The following NELL2 variants were observed in gnomAD, a reference collection of about 807,000 sequenced individuals.
The protein encoded by NELL2 is neural EGFL like 2.
NELL2 carries 41 observed loss-of-function variants against 109.6 expected under a neutral mutation model. That is an observed-to-expected ratio of 0.37 (90% CI 0.29 to 0.49). NELL2 has a LOEUF of 0.49. NELL2 is among the 20% of genes least tolerant of loss of function. NELL2 has a pLI of 0.98. For missense variants in NELL2, 900 were observed against 1,008.3 expected (o/e 0.89, Z 1.45); for synonymous variants, 355 against 344.7 (o/e 1.03, Z -0.33).
chr12:44,741,014 C>T (rs1025951067), intron 9 of NELL2, among the ~76,000 whole-genome samples: 1 of 152,074 alleles, frequency 6.6e-6, no homozygotes. Context: ...ACAGTTGATC[C>T]TTGAACAACA....
At chr12:44,863,740 A>G (rs2136813764) in intron 2 of NELL2, among the ~76,000 whole-genome samples, 1 of 152,300 alleles carries the variant, frequency 6.6e-6, no homozygotes, top group Non-Finnish European at 1.5e-5. Flanking sequence ...GGTAAAATGA[A>G]GTACAAAGTC....
At chr12:44,839,803 GC>G (rs142450329) in intron 2 of NELL2, among the ~76,000 whole-genome samples, 43,345 of 152,022 alleles carry the variant, frequency 0.29, 7,540 homozygotes, top group Non-Finnish European at 0.4. Context: ...ACTATTTTCT[GC>G]CATCTGGGAA....
At chr12:44,631,597 G>A (rs1946459134) in intron 13 of NELL2, among the ~76,000 whole-genome samples, 1 of 151,938 alleles carries the variant, frequency 6.6e-6, no homozygotes, top group South Asian at 2.1e-4. Flanking sequence ...CAATACATGG[G>A]TAACAGTATC....
At chr12:44,558,592 C>A (rs1943343992) in intron 15 of NELL2, among the ~76,000 whole-genome samples, 1 of 152,132 alleles carries the variant, frequency 6.6e-6, no homozygotes, top group Non-Finnish European at 1.5e-5. Flanking sequence ...TCCCTCCCCT[C>A]CCTAAGGGAA....
intron 13 of NELL2, among the ~76,000 whole-genome samples, chr12:44,655,453 G>A (rs990013382): frequency 3.7e-4 from 57 of 152,312 alleles, no homozygotes; most frequent in African/African-American, 1.4e-3. Context: ...TTTAAAAAAG[G>A]CAATTCAGCT....
chr12:44,875,320 A>G lies in NELL2; in HGVS notation c.89T>C (p.Ile30Thr), dbSNP rs369432264. 2.9e-5 allele frequency: 47 copies of G among 1,614,018 alleles called. No individual in the cohort carries two copies. Among genetic ancestry groups the G allele is most frequent in the Non-Finnish European group, 3.8e-5 (45 of 1,180,028 alleles). ...AAGTTCTAACTCTGTTAAGACGTCA[A>G]TCTGTAGGGAAGGGTCCACACCAAG... ...WGLGVDPSLQ[I>T]DVLTELELGE... is the part of the protein sequence containing the mutation. Residue 30 changes from isoleucine (I) to threonine (T), a missense_variant, in exon 2 of 20, where the codon ATT (isoleucine) becomes ACT (threonine). Around this residue, in one of 4 missense-constraint regions of NELL2, gnomAD observed 200 missense variants for 191.8 expected, o/e 1.04. Coordinates refer to ENST00000429094, the MANE Select transcript of NELL2 (RefSeq NM_001145108.2).
In NELL2 at chr12:44,610,859, G is replaced by A. The variant is rs140543922; in HGVS notation, c.1556C>T (p.Thr519Met). 7.6e-5 allele frequency: 123 copies of A among 1,612,944 alleles called. No homozygotes were observed. The Middle Eastern group carries it at 3.6e-3, about 48-fold the overall frequency. Residue 519 changes from threonine (T) to methionine (M), a missense_variant, in exon 14 of 20, where the codon ACG becomes ATG. Physicochemically the swap from Thr to Met is moderately conservative, Grantham distance 81 (BLOSUM62 -1). This residue lies in a region of NELL2 where 333 missense variants were observed against 432.3 expected (regional missense o/e 0.77). Coordinates refer to ENST00000429094, the MANE Select transcript of NELL2 (RefSeq NM_001145108.2). ...VCKPGYTGNGTTCKAFCKDGC... is the reference protein window; with the variant it reads ...VCKPGYTGNGMTCKAFCKDGC... The stretch of plus-strand genomic sequence containing the variant: ...TTTAAACCTTTTACCTTTGCATGTC[G>A]TTCCATTCCCTGTATAGCCCGGCTT...
chr12:44,739,010 T>C (rs761841489), intron 9 of NELL2, among the ~76,000 whole-genome samples: 1 of 152,202 alleles, frequency 6.6e-6, no homozygotes, highest in Non-Finnish European at 1.5e-5. Flanking sequence ...TATCCCTCTT[T>C]CTAGAATGAT....
In NELL2 at chr12:44,779,676, T is replaced by C. The variant is rs1179078041; in HGVS notation, c.593A>G (p.His198Arg). 1 of 1,613,280 alleles carries C rather than the reference T, an allele frequency of 6.2e-7. No individual in the cohort carries two copies. Among genetic ancestry groups the C allele is most frequent in the African/African-American group, 1.3e-5 (1 of 75,046 alleles). The change falls in exon 5 of 20, where the codon CAT becomes CGT. Residue 198 changes from histidine (H) to arginine (R), a missense_variant. By Grantham distance (29) the His-to-Arg change is conservative (BLOSUM62 0). Coordinates refer to ENST00000429094, the MANE Select transcript of NELL2 (RefSeq NM_001145108.2). ...GCCAAAAGATACCTTAAAATATCCA[T>C]GCGCATTATTTCTCTGTCCTAGCCA... ...TFWLGQRNNA[H>R]GYFKGIMQDV...
intron 1 of NELL2, among the ~76,000 whole-genome samples, chr12:44,889,856 G>A (rs763325748): frequency 6.6e-6 from 1 of 152,094 alleles, no homozygotes; most frequent in Non-Finnish European, 1.5e-5. Context: ...CAGTCCTCAG[G>A]ATGCAATAAT....
At chr12:44,574,574 C>T (rs1361526599) in intron 15 of NELL2, among the ~76,000 whole-genome samples, 9 of 151,982 alleles carry the variant, frequency 5.9e-5, no homozygotes. Context: ...ACCTTGTATG[C>T]CACATTAAAT....
At chr12:44,917,253 C>T (rs1945835555), upstream of NELL2, among the ~76,000 whole-genome samples, 4 of 152,172 alleles carry the variant, frequency 2.6e-5, no homozygotes, top group Admixed American at 2.6e-4. Context: ...CTCACTTTGA[C>T]CTCTTGATGA....
rs1942038071 is a variant in NELL2 at position 44,531,208 on chromosome 12, G to A, written c.1804+1373C>T. Among the ~76,000 whole-genome samples the A allele has an allele frequency of 2.6e-5, 4 of 152,176 alleles. No individual in the cohort carries two copies. In the South Asian group the frequency reaches 8.3e-4, roughly 31 times the overall value. ...GAAGAGAAATGAAGATGCATACTCA[G>A]CTTTAATCCATATACATGCTTCTGT... On this transcript the variant is annotated intron_variant, in intron 16 of 19. Transcript: ENST00000429094.
chr12:44,631,521 T>A (rs1327470959), intron 13 of NELL2, among the ~76,000 whole-genome samples: 1 of 152,134 alleles, frequency 6.6e-6, no homozygotes, highest in East Asian at 1.9e-4. Flanking sequence ...CAGCGGACAC[T>A]GGGGTCTACT....
intron 1 of NELL2, among the ~76,000 whole-genome samples, chr12:44,903,234 G>C (rs1289863190): frequency 6.6e-6 from 1 of 152,138 alleles, no homozygotes; most frequent in Non-Finnish European, 1.5e-5. Context: ...CAAAGGACAT[G>C]AACAGACGCT....
intron 3 of NELL2, among the ~76,000 whole-genome samples, chr12:44,788,147 C>T (rs1386672770): frequency 1.3e-5 from 2 of 152,066 alleles, no homozygotes; most frequent in Non-Finnish European, 2.9e-5. Context: ...ATCATTATGG[C>T]GATGGGAGGC....
intron 11 of NELL2, among the ~76,000 whole-genome samples, chr12:44,704,195 T>C (rs1937725005): frequency 6.6e-6 from 1 of 152,112 alleles, no homozygotes; most frequent in Admixed American, 6.6e-5. Flanking sequence ...ATATAGAAGA[T>C]AACACAATGA....
At chr12:44,762,618 C>G (rs1941173356) in intron 9 of NELL2, among the ~76,000 whole-genome samples, 1 of 152,216 alleles carries the variant, frequency 6.6e-6, no homozygotes, top group African/African-American at 2.4e-5. Context: ...ACTCTCTGCA[C>G]AGCAGTCACC....
chr12:44,581,022 A>G (rs1009184529), intron 15 of NELL2, among the ~76,000 whole-genome samples: 1 of 152,186 alleles, frequency 6.6e-6, no homozygotes, highest in Admixed American at 6.5e-5. Context: ...AAAATGTAAT[A>G]TTTGCATGGG....
Sources: allele counts gnomAD v4.1 joint callset (sites outside exome capture counted in the v4.1 genomes callset), GRCh38; gene constraint gnomAD v4.1.1; regional missense constraint gnomAD v4.1.1; transcripts MANE v1.5; gene names NCBI Gene and HGNC (gene_info 2026-07-23, HGNC 2026-07-21).